Variants in TMEM71 observed in about 807,000 individuals in gnomAD.
The protein encoded by TMEM71 is transmembrane protein 71.
In TMEM71, 44 loss-of-function variants were observed where a neutral mutation model predicts 38.0. The observed-to-expected ratio is 1.16, with a 90% CI of 0.91 to 1.49. TMEM71 has a LOEUF of 1.49. Ranked by LOEUF, TMEM71 falls within the 40% of genes most tolerant of loss-of-function variation. The probability of loss-of-function intolerance (pLI) is 0.00; values close to 1 mark genes in which losing one functional copy is unlikely to be tolerated. For synonymous variants in TMEM71, 133 were observed against 122.5 expected (o/e 1.09, Z -0.56); for missense variants, 367 against 348.6 (o/e 1.05, Z -0.42).
chr8:132,714,305 T>C (rs781443093), intron 7 of TMEM71, 90 bp from the exon 8 acceptor site: 57 of 993,774 alleles, frequency 5.7e-5, no homozygotes, highest in Non-Finnish European at 8.9e-5. Flanking sequence ...AATTATGATT[T>C]CAAGGTTTAC....
At chr8:132,756,548 T>C (rs901020497) in intron 3 of TMEM71, among the ~76,000 whole-genome samples, 4 of 148,390 alleles carry the variant, frequency 2.7e-5, no homozygotes, top group Non-Finnish European at 5.9e-5. Flanking sequence ...AAACCAATAA[T>C]ACAACAAAGC....
intron 3 of TMEM71, among the ~76,000 whole-genome samples, chr8:132,756,408 A>AT (rs1202901147): frequency 5.5e-5 from 4 of 73,006 alleles, no homozygotes; most frequent in Middle Eastern, 6.8e-3. Context: ...ACTAACATAT[A>AT]TATTATATAT....
chr8:132,758,492 G>A (rs962666915), intron 2 of TMEM71: 4 of 205,512 alleles, frequency 1.9e-5, no homozygotes, highest in South Asian at 8.5e-5. Flanking sequence ...TTTTAACAGC[G>A]CTCTTATTTT....
Position 132,751,977 on chromosome 8 carries a change from TC to T in TMEM71, c.121del (p.Asp41MetfsTer11), listed in dbSNP as rs1386635060. ...IFPSFTCDSL[D>X]GYHSFECGSI... ...GCCGCATTCAAAAGAATGGTAACCA[TC>T]CAGGGAATCACAGGTGAAACTAAGA... On this transcript the variant is annotated frameshift_variant, in exon 4 of 10. Transcript: ENST00000677595. LOFTEE classifies it high-confidence loss of function. The T allele has an allele frequency of 6.2e-7, 1 of 1,614,030 alleles. No homozygotes were observed. The highest frequency in any genetic ancestry group is 1.3e-5 in the African/African-American group (1 of 75,018).
rs1028250421 is a variant in TMEM71, at chr8:132,754,322, T to G, written c.102-2325A>C. ...CGTGCCTGATCTCATCTAAATAAACTATCGATTTCTAGTCTTTTTCCTGTA... is the reference window on the plus strand; with the variant it reads ...CGTGCCTGATCTCATCTAAATAAACGATCGATTTCTAGTCTTTTTCCTGTA... On this transcript the variant is annotated intron_variant, in intron 3 of 9. Coordinates refer to ENST00000677595, the MANE Select transcript of TMEM71 (RefSeq NM_001382403.1). Among the ~76,000 whole-genome samples the G allele has an allele frequency of 7.2e-5, 11 of 152,274 alleles. No individual in the cohort carries two copies. In the East Asian group the frequency reaches 2.1e-3, roughly 29 times the overall value.
rs184467872 is a variant in TMEM71, at chr8:132,753,676, G to T, written c.102-1679C>A. ...GAATCTGAAGTCAATCCCCCTCTAAGCCCATAATTCCAACTCTGTCATTGC... is the reference window on the plus strand; with the variant it reads ...GAATCTGAAGTCAATCCCCCTCTAATCCCATAATTCCAACTCTGTCATTGC... On this transcript the variant is annotated intron_variant, in intron 3 of 9. Transcript: ENST00000677595. 3.8e-3 allele frequency among the ~76,000 whole-genome samples: 584 copies of T among 152,160 alleles called. 2 individuals are homozygous for T. The highest frequency in any genetic ancestry group is 0.01 in the Middle Eastern group (3 of 294).
At chr8:132,771,699 C>T in the TMEM71 span, among the ~76,000 whole-genome samples, 75 of 152,076 alleles carry the variant, frequency 4.9e-4, 1 homozygote, top group Middle Eastern at 3.4e-3. Flanking sequence ...AACACCCTAT[C>T]ATCCTTAGAG....
chr8:132,752,649 C>T (rs1435781536), intron 3 of TMEM71, among the ~76,000 whole-genome samples: 3 of 151,902 alleles, frequency 2.0e-5, no homozygotes, highest in South Asian at 4.1e-4. Flanking sequence ...CAGGAGGATC[C>T]CTTTAGCCCA....
chr8:132,769,430 T>C, the TMEM71 span, among the ~76,000 whole-genome samples: 2 of 152,222 alleles, frequency 1.3e-5, no homozygotes, highest in African/African-American at 4.8e-5. Flanking sequence ...TCCCTTACTC[T>C]ACATCACCCA....
chr8:132,752,782 G>A lies in TMEM71; in HGVS notation c.102-785C>T, dbSNP rs1405686828. Among the ~76,000 whole-genome samples the A allele has an allele frequency of 1.4e-5, 2 of 147,668 alleles. 1 individual carries two copies. The highest frequency in any genetic ancestry group is 5.1e-5 in the African/African-American group (2 of 39,332). On this transcript the variant is annotated intron_variant, in intron 3 of 9. Coordinates refer to ENST00000677595, the MANE Select transcript of TMEM71 (RefSeq NM_001382403.1). ...GAAGAGAGAGAGAGAAAAAAAAAAG[G>A]GAGAGAGAGAAGGAAAGAAAGGAAG... is the stretch of plus-strand genomic sequence containing the variant.
chr8:132,722,422 T>C (rs1826908761), intron 6 of TMEM71, among the ~76,000 whole-genome samples: 1 of 152,370 alleles, frequency 6.6e-6, no homozygotes, highest in South Asian at 2.1e-4. Flanking sequence ...GTAGAGTTTA[T>C]GATAATGTAA....
At chr8:132,765,777 C>CTATTAT in the TMEM71 span, among the ~76,000 whole-genome samples, 25 of 150,122 alleles carry the variant, frequency 1.7e-4, no homozygotes, top group East Asian at 3.9e-4. Flanking sequence ...ATTATTATTA[C>CTATTAT]TATTATTATT....
chr8:132,751,591 T>C (rs1478584214), intron 4 of TMEM71, among the ~76,000 whole-genome samples, 194 bp downstream of exon 4: 2 of 151,210 alleles, frequency 1.3e-5, no homozygotes, highest in Non-Finnish European at 3.0e-5. Flanking sequence ...AGACAGTGGG[T>C]GAATAAATGA....
At position 132,723,658 on chromosome 8, in the gene TMEM71, C is replaced by T. The variant is rs1409110611; in HGVS notation, c.677-1543G>A. ...ATATTCCCCCACTAAACTGCAAGCT[C>T]ATTGAGAAAATAGCATTGATTTCCT... On this transcript the variant is annotated intron_variant, in intron 6 of 9. Transcript: ENST00000677595. Among the ~76,000 whole-genome samples, 4 of 152,164 alleles carry T rather than the reference C, an allele frequency of 2.6e-5. No individual in the cohort carries two copies. The South Asian group carries it at 6.2e-4, about 24-fold the overall frequency.
chr8:132,735,431 A>G (rs992381463), intron 5 of TMEM71, among the ~76,000 whole-genome samples: 1 of 152,230 alleles, frequency 6.6e-6, no homozygotes. Flanking sequence ...TTCCAGAGAA[A>G]AATAAATTGC....
At chr8:132,728,015 T>C (rs754262934) in intron 5 of TMEM71, 29 bp from the exon 6 acceptor site, 1 of 105,760 alleles carries the variant, frequency 9.5e-6, no homozygotes, top group Admixed American at 1.3e-4. Context: ...TCAGTGTGAG[T>C]GTGTGTGTGT....
At chr8:132,756,411 T>TTATATATATATATATATATATATATA (rs55767264) in intron 3 of TMEM71, among the ~76,000 whole-genome samples, 1 of 115,836 alleles carries the variant, frequency 8.6e-6, no homozygotes. Context: ...AACATATATA[T>TTATATATATATATATATATATATATA]TATATATATA....
intron 6 of TMEM71, among the ~76,000 whole-genome samples, chr8:132,726,172 C>T (rs1039788766): frequency 4.6e-5 from 7 of 151,952 alleles, no homozygotes; most frequent in African/African-American, 1.7e-4. Context: ...GGGTGGGCTC[C>T]CTGGAGGAGG....
chr8:132,722,449 A>C (rs1487837112), intron 6 of TMEM71, among the ~76,000 whole-genome samples: 1 of 152,254 alleles, frequency 6.6e-6, no homozygotes, highest in Non-Finnish European at 1.5e-5. Context: ...TAATTCTGTC[A>C]TTGTGATAAT....
Sources: gnomAD v4.1 joint callset for allele counts (sites outside exome capture counted in the v4.1 genomes callset) on GRCh38, gnomAD v4.1.1 for gene constraint, MANE v1.5 for transcripts, NCBI Gene and HGNC (gene_info 2026-07-23, HGNC 2026-07-21) for gene names.